The following WDPCP variants were observed in gnomAD, a reference collection of about 807,000 sequenced individuals.
WDPCP encodes the protein WD repeat containing planar cell polarity effector, also known as WD repeat-containing and planar cell polarity effector protein fritz homolog.
Under a neutral mutation model 93.1 loss-of-function variants are expected in WDPCP, and 71 were observed. The ratio of observed to expected loss-of-function variants is 0.76; its 90% confidence interval spans 0.63 to 0.93. WDPCP has a LOEUF of 0.93. Ranked by LOEUF, WDPCP falls within the 40% of genes least tolerant of loss-of-function variation. The pLI is 0.00. For missense variants in WDPCP, 844 were observed against 887.4 expected (o/e 0.95, Z 0.62); for synonymous variants, 315 against 315.0 (o/e 1.00, Z 0.00).
chr2:63,768,519 G>C (rs769892165), intron 2 of WDPCP, among the ~76,000 whole-genome samples: 25 of 151,852 alleles, frequency 1.6e-4, no homozygotes, highest in Non-Finnish European at 3.1e-4. Flanking sequence ...CAATCATTTG[G>C]GTATTGGTTA....
chr2:63,408,705 G>T (rs1040017959), intron 9 of WDPCP, among the ~76,000 whole-genome samples: 1 of 152,170 alleles, frequency 6.6e-6, no homozygotes, highest in Non-Finnish European at 1.5e-5. Context: ...TGGGACTGTT[G>T]TGTGAGGCAG....
At chr2:63,404,755 A>C in intron 9 of WDPCP, 98 bp from the exon 10 acceptor site, 9 of 1,407,754 alleles carry the variant, frequency 6.4e-6, no homozygotes, top group Non-Finnish European at 8.9e-6. Flanking sequence ...ATTAAAGAAA[A>C]TCAATTACTA....
rs536887818 is a variant in WDPCP at position 63,617,634 on chromosome 2, C to T, written n.488+33025G>A. On this transcript the variant is annotated intron_variant and non_coding_transcript_variant, in intron 3 of 4. Coordinates refer to the WDPCP transcript ENST00000467687. Reference sequence around the variant, plus strand: ...ATGTATAGTGAATAAAAGTTGCCTGCCTTGTTATACAGATAAGAGTCTCTC... The same window carrying T: ...ATGTATAGTGAATAAAAGTTGCCTGTCTTGTTATACAGATAAGAGTCTCTC... 9.2e-5 allele frequency among the ~76,000 whole-genome samples: 14 copies of T among 152,180 alleles called. No homozygotes were observed. In the East Asian group the frequency reaches 2.5e-3, roughly 27 times the overall value.
intron 12 of WDPCP, among the ~76,000 whole-genome samples, chr2:63,374,788 C>T (rs1178350696): frequency 6.6e-6 from 1 of 151,986 alleles, no homozygotes; most frequent in Non-Finnish European, 1.5e-5. Flanking sequence ...CACATGTATT[C>T]TGACTTTATC....
intron 1 of WDPCP, among the ~76,000 whole-genome samples, chr2:63,507,249 G>C (rs1286433561): frequency 6.6e-6 from 1 of 151,980 alleles, no homozygotes; most frequent in Admixed American, 6.6e-5. Flanking sequence ...GTAAAAGTTT[G>C]CAGAGAAGGA....
At chr2:63,259,981 C>CA (rs1286644916) in intron 13 of WDPCP, among the ~76,000 whole-genome samples, 1 of 152,024 alleles carries the variant, frequency 6.6e-6, no homozygotes, top group Non-Finnish European at 1.5e-5. Flanking sequence ...TAGTTAATTA[C>CA]AAAAAAGTAT....
intron 2 of WDPCP, among the ~76,000 whole-genome samples, chr2:63,721,473 C>T (rs887573371): frequency 6.6e-6 from 1 of 152,198 alleles, no homozygotes; most frequent in African/African-American, 2.4e-5. Flanking sequence ...TAGCCTCTTC[C>T]TCCCTGTACC....
chr2:63,484,681 AAG>A lies in WDPCP; in HGVS notation c.325-20_325-19del, dbSNP rs754206623. 5.6e-6 allele frequency: 9 copies of A among 1,612,608 alleles called. No individual in the cohort carries two copies. In the Admixed American group the frequency reaches 8.4e-5, roughly 15 times the overall value. Reference sequence around the variant, plus strand: ...ATCAGCTCCTGAAGCACAACAGAAAAAGAGAGAGCGTAGTTGGCTGTACACAT... The same window carrying A: ...ATCAGCTCCTGAAGCACAACAGAAAAAGAGAGCGTAGTTGGCTGTACACAT... On this transcript the variant is annotated intron_variant, in intron 5 of 17. Coordinates refer to ENST00000272321, the MANE Select transcript of WDPCP (RefSeq NM_015910.7).
chr2:63,423,042 C>T (rs1293700088), intron 9 of WDPCP, among the ~76,000 whole-genome samples: 2 of 152,160 alleles, frequency 1.3e-5, no homozygotes, highest in Admixed American at 1.3e-4. Flanking sequence ...ATAGTAGTTA[C>T]TTTGGAGGAC....
At chr2:63,299,861 A>C (rs575252104) in intron 13 of WDPCP, among the ~76,000 whole-genome samples, 2 of 152,250 alleles carry the variant, frequency 1.3e-5, no homozygotes, top group East Asian at 3.9e-4. Flanking sequence ...ATTTTCTAAC[A>C]AAGAACAGCC....
intron 9 of WDPCP, among the ~76,000 whole-genome samples, chr2:63,429,524 G>A (rs896918709): frequency 2.6e-5 from 4 of 151,940 alleles, no homozygotes; most frequent in East Asian, 1.9e-4. Context: ...TATAAAAAGC[G>A]GGCAAAGGAC....
the WDPCP span, among the ~76,000 whole-genome samples, chr2:63,836,473 A>AT: frequency 9.9e-5 from 15 of 152,240 alleles, no homozygotes; most frequent in Non-Finnish European, 2.2e-4. Flanking sequence ...TTCTATACAT[A>AT]TATCACTACA....
At chr2:63,776,732 A>T (rs563477477) in intron 2 of WDPCP, among the ~76,000 whole-genome samples, 3 of 150,566 alleles carry the variant, frequency 2.0e-5, no homozygotes, top group African/African-American at 7.3e-5. Flanking sequence ...ATTAGTTGTT[A>T]GGGAATACAA....
chr2:63,702,348 G>C (rs1264188275), intron 2 of WDPCP, among the ~76,000 whole-genome samples: 1 of 152,054 alleles, frequency 6.6e-6, no homozygotes, highest in African/African-American at 2.4e-5. Context: ...TTAAGGTGAT[G>C]GATCTTCTAA....
chr2:63,180,420 T>C (rs1480650888), intron 14 of WDPCP, among the ~76,000 whole-genome samples: 1 of 152,154 alleles, frequency 6.6e-6, no homozygotes, highest in Non-Finnish European at 1.5e-5. Context: ...TAGCTCTCAC[T>C]TGTGAGAACA....
At chr2:63,568,814 T>C (rs1180434948) in intron 1 of WDPCP, among the ~76,000 whole-genome samples, 1 of 152,378 alleles carries the variant, frequency 6.6e-6, no homozygotes, top group East Asian at 1.9e-4. Context: ...TATGACTTAA[T>C]GCTTGCTTGG....
chr2:63,191,789 T>G (rs2104233075), intron 14 of WDPCP, among the ~76,000 whole-genome samples: 1 of 152,372 alleles, frequency 6.6e-6, no homozygotes, highest in Non-Finnish European at 1.5e-5. Context: ...GGTTTTTATA[T>G]TTTCAAATGG....
intron 2 of WDPCP, among the ~76,000 whole-genome samples, chr2:63,754,501 C>T (rs1404520021): frequency 1.3e-5 from 2 of 152,330 alleles, no homozygotes; most frequent in Non-Finnish European, 2.9e-5. Flanking sequence ...GGGAATAATA[C>T]TCTCACAGAT....
At chr2:63,587,536 G>GA (rs1284968348) in intron 1 of WDPCP, among the ~76,000 whole-genome samples, 2 of 152,266 alleles carry the variant, frequency 1.3e-5, no homozygotes, top group Non-Finnish European at 1.5e-5. Context: ...CAGTGACAGA[G>GA]AAAAAACGGA....
Sources: allele counts gnomAD v4.1 joint callset (sites outside exome capture counted in the v4.1 genomes callset), GRCh38; gene constraint gnomAD v4.1.1; transcripts MANE v1.5; gene names NCBI Gene and HGNC (gene_info 2026-07-23, HGNC 2026-07-21).